The following CDC42EP3 variants were observed in gnomAD, a reference collection of about 807,000 sequenced individuals.
CDC42EP3 encodes CDC42 effector protein (Rho GTPase binding) 3.
CDC42EP3 carries 4 observed loss-of-function variants against 15.5 expected under a neutral mutation model. The ratio of observed to expected loss-of-function variants is 0.26; its 90% confidence interval spans 0.13 to 0.59. CDC42EP3 has a LOEUF of 0.59. Ranked by LOEUF, CDC42EP3 falls within the 20% of genes least tolerant of loss-of-function variation. CDC42EP3 has a pLI of 0.89. For missense variants in CDC42EP3, 309 were observed against 311.2 expected, an observed-to-expected ratio of 0.99 and a Z score of 0.05; for synonymous variants, 145 against 130.3, an observed-to-expected ratio of 1.11 and a Z score of -0.77.
At chr2:37,660,908 G>C (rs79129479) in intron 1 of CDC42EP3, among the ~76,000 whole-genome samples, 2,515 of 152,266 alleles carry the variant, frequency 0.017, 67 homozygotes, top group African/African-American at 0.058. Context: ...GAAGGCCAGA[G>C]TGGACCAGTA....
intron 1 of CDC42EP3, among the ~76,000 whole-genome samples, chr2:37,662,945 G>A (rs997285826): frequency 6.6e-6 from 1 of 152,080 alleles, no homozygotes; most frequent in Admixed American, 6.6e-5. Context: ...CGGGCGGATC[G>A]CCTGAGGTTA....
intron 1 of CDC42EP3, among the ~76,000 whole-genome samples, chr2:37,658,960 A>G (rs1244876302): frequency 6.6e-6 from 1 of 152,158 alleles, no homozygotes; most frequent in African/African-American, 2.4e-5. Flanking sequence ...CAGCTTGGAG[A>G]TAAGATAAAA....
At chr2:37,663,405 C>T (rs1374653182) in intron 1 of CDC42EP3, among the ~76,000 whole-genome samples, 1 of 152,084 alleles carries the variant, frequency 6.6e-6, no homozygotes, top group Non-Finnish European at 1.5e-5. Flanking sequence ...TAATGGCTGG[C>T]GAGAGGTCTA....
At chr2:37,662,822 G>A (rs1389495080) in intron 1 of CDC42EP3, among the ~76,000 whole-genome samples, 2 of 152,216 alleles carry the variant, frequency 1.3e-5, no homozygotes, top group African/African-American at 2.4e-5. Flanking sequence ...CATGCACAGA[G>A]TGAGCCATGT....
chr2:37,662,877 T>C (rs891979874), intron 1 of CDC42EP3, among the ~76,000 whole-genome samples: 1 of 152,182 alleles, frequency 6.6e-6, no homozygotes, highest in Admixed American at 6.5e-5. Flanking sequence ...TTAGAAAGCC[T>C]TTCACAGTCA....
chr2:37,660,676 T>C (rs1385077581), intron 1 of CDC42EP3, among the ~76,000 whole-genome samples: 2 of 152,156 alleles, frequency 1.3e-5, no homozygotes, highest in Non-Finnish European at 2.9e-5. Context: ...GTTACTTTGG[T>C]TTTACTTTTG....
intron 1 of CDC42EP3, among the ~76,000 whole-genome samples, chr2:37,654,586 A>T (rs1665790192): frequency 6.6e-6 from 1 of 152,122 alleles, no homozygotes; most frequent in Admixed American, 6.5e-5. Flanking sequence ...AAGCTCTCAC[A>T]GAGGGGAGGG....
rs192054086 is a variant in CDC42EP3, at chr2:37,668,397, T to C, written c.-236+3029A>G. ...GGCACTGTTCTGAGTACATAATCTT[T>C]TTTAACTCCTTTAATCCTCAGGGAA... On this transcript the variant is annotated intron_variant, in intron 1 of 1. Coordinates refer to ENST00000295324, the MANE Select transcript of CDC42EP3 (RefSeq NM_006449.5). 9.2e-5 allele frequency among the ~76,000 whole-genome samples: 14 copies of C among 152,342 alleles called. No homozygotes were observed. The East Asian group carries it at 2.7e-3, about 29-fold the overall frequency.
At chr2:37,657,766 T>C (rs901458382) in intron 1 of CDC42EP3, among the ~76,000 whole-genome samples, 2 of 152,298 alleles carry the variant, frequency 1.3e-5, no homozygotes, top group Admixed American at 6.5e-5. Flanking sequence ...TATGCGATAT[T>C]TGGCAATGTC....
intron 1 of CDC42EP3, among the ~76,000 whole-genome samples, chr2:37,651,144 AG>A (rs1665663679): frequency 6.6e-6 from 1 of 152,192 alleles, no homozygotes; most frequent in South Asian, 2.1e-4. Context: ...AAAAAAAAAG[AG>A]GTGCAAATGC....
chr2:37,658,114 A>G (rs2124627301), intron 1 of CDC42EP3, among the ~76,000 whole-genome samples: 1 of 152,200 alleles, frequency 6.6e-6, no homozygotes, highest in East Asian at 1.9e-4. Context: ...CCACTCCTCA[A>G]CAATTCCCCC....
At position 37,645,545 on chromosome 2, in the gene CDC42EP3, G is replaced by A. The variant is rs1461109578; in HGVS notation, c.*278C>T. Reference sequence around the variant, plus strand: ...CAATCCTGGCCAAGCCAGATTTCTTGTGTGTCTGCAAACAATATGTGAGCC... The same window carrying A: ...CAATCCTGGCCAAGCCAGATTTCTTATGTGTCTGCAAACAATATGTGAGCC... On this transcript the variant is annotated 3_prime_UTR_variant, in exon 2 of 2. Transcript: ENST00000295324. The A allele has an allele frequency of 1.1e-5, 3 of 273,900 alleles. No individual in the cohort carries two copies. The highest frequency in any genetic ancestry group is 1.4e-4 in the East Asian group (2 of 14,684). 17.0% of individuals were successfully genotyped at this position (273,900 alleles called of 1,614,324 possible). A position where few individuals can be genotyped will look rare whatever the true frequency, so the allele number is the denominator to read the frequency against.
intron 1 of CDC42EP3, among the ~76,000 whole-genome samples, chr2:37,657,201 A>C (rs752230813): frequency 3.3e-5 from 5 of 152,112 alleles, no homozygotes; most frequent in Middle Eastern, 3.4e-3. Context: ...TGTTCCCTAC[A>C]TGGAAAGCTC....
chr2:37,645,019 T>C lies in CDC42EP3; in HGVS notation c.*804A>G, dbSNP rs1665404660. 6.6e-6 allele frequency: 1 copy of C among 152,226 alleles called. No homozygotes were observed. Among genetic ancestry groups the C allele is most frequent in the East Asian group, 1.9e-4 (1 of 5,190 alleles). The allele number at this position is 152,226 out of a possible 1,614,324, so 9.4% of individuals were successfully genotyped here. The stretch of plus-strand genomic sequence containing the variant: ...CCGTTATTGGTTGCTGTTAAAAGTA[T>C]GATAACAGATGAAGAAAAAAAAACT... On this transcript the variant is annotated 3_prime_UTR_variant, in exon 2 of 2. Transcript: ENST00000295324.
intron 1 of CDC42EP3, among the ~76,000 whole-genome samples, chr2:37,656,100 C>T (rs1472735082): frequency 3.3e-5 from 5 of 152,208 alleles, no homozygotes; most frequent in Non-Finnish European, 5.9e-5. Context: ...TGCTATTCTG[C>T]CACCCTGCTA....
At position 37,644,695 on chromosome 2, in the gene CDC42EP3, T is replaced by C. The variant is rs917998466; in HGVS notation, c.*1128A>G. On this transcript the variant is annotated 3_prime_UTR_variant, in exon 2 of 2. Coordinates refer to ENST00000295324, the MANE Select transcript of CDC42EP3 (RefSeq NM_006449.5). ...GTAGAGAGGCTCAGTTTCTAGCCTC[T>C]CAAACCATAAGGAAGTAATCAAAAT... 3 of 151,828 alleles carry C rather than the reference T, an allele frequency of 2.0e-5. No individual in the cohort carries two copies. The highest frequency in any genetic ancestry group is 7.3e-5 in the African/African-American group (3 of 41,292). 9.4% of individuals were successfully genotyped at this position (151,828 alleles called of 1,614,324 possible).
chr2:37,670,012 G>A (rs1257933987), intron 1 of CDC42EP3, among the ~76,000 whole-genome samples: 1 of 152,112 alleles, frequency 6.6e-6, no homozygotes, highest in Non-Finnish European at 1.5e-5. Flanking sequence ...AATTGCAGGG[G>A]GTATGAAAGA....
intron 1 of CDC42EP3, among the ~76,000 whole-genome samples, chr2:37,660,788 TAAA>T (rs11315857): frequency 6.8e-6 from 1 of 146,668 alleles, no homozygotes. Flanking sequence ...ACCTTAAGGT[TAAA>T]AAAAAAAAAA....
At chr2:37,648,306 C>T (rs989669346) in intron 1 of CDC42EP3, among the ~76,000 whole-genome samples, 5 of 152,208 alleles carry the variant, frequency 3.3e-5, no homozygotes, top group African/African-American at 4.8e-5. Context: ...AATAAATACT[C>T]CAAGGGCTGG....
Sources: allele counts gnomAD v4.1 joint callset (sites outside exome capture counted in the v4.1 genomes callset), GRCh38; gene constraint gnomAD v4.1.1; transcripts MANE v1.5; gene names NCBI Gene and HGNC (gene_info 2026-07-23, HGNC 2026-07-21).